EFCAB11: variants seen among roughly 807,000 people sequenced by gnomAD.
EFCAB11 encodes EF-hand calcium-binding domain-containing protein 11.
In EFCAB11, 14 loss-of-function variants were observed where a neutral mutation model predicts 23.0. The ratio of observed to expected loss-of-function variants is 0.61; its 90% CI spans 0.40 to 0.95. The LOEUF (loss-of-function observed/expected upper bound fraction) is 0.95. EFCAB11 is among the 40% of genes least tolerant of loss of function. The pLI is 0.00. For missense variants in EFCAB11, 198 were observed against 195.8 expected, an observed-to-expected ratio of 1.01 and a Z score of -0.07; for synonymous variants, 65 against 66.6, an observed-to-expected ratio of 0.98 and a Z score of 0.11.
At chr14:89,840,448 C>T (rs1344253846) in intron 5 of EFCAB11, among the ~76,000 whole-genome samples, 2 of 152,192 alleles carry the variant, frequency 1.3e-5, no homozygotes, top group African/African-American at 4.8e-5. Context: ...TTATCATTTC[C>T]TCTGATGCAG....
At chr14:89,910,472 C>CCT (rs1168674307) in intron 5 of EFCAB11, among the ~76,000 whole-genome samples, 4 of 152,080 alleles carry the variant, frequency 2.6e-5, no homozygotes, top group African/African-American at 9.7e-5. Context: ...ATGGCGGGCA[C>CCT]CTGTAATCCT....
At chr14:89,875,590 T>C (rs555529364) in intron 5 of EFCAB11, among the ~76,000 whole-genome samples, 89 of 152,172 alleles carry the variant, frequency 5.8e-4, no homozygotes, top group Non-Finnish European at 9.8e-4. Flanking sequence ...TATGGGTAAC[T>C]GGGTAAATGG....
chr14:89,801,278 C>T (rs760657025), intron 5 of EFCAB11, among the ~76,000 whole-genome samples: 48 of 152,186 alleles, frequency 3.2e-4, no homozygotes, highest in Admixed American at 6.5e-4. Context: ...AACCTCTCCC[C>T]TATCTTCACC....
At chr14:89,912,985 G>T (rs544335436) in intron 5 of EFCAB11, among the ~76,000 whole-genome samples, 1 of 152,340 alleles carries the variant, frequency 6.6e-6, no homozygotes, top group Admixed American at 6.5e-5. Flanking sequence ...TTATGGAAAA[G>T]AAGCACAAAA....
chr14:89,816,204 A>G (rs1341913220), intron 5 of EFCAB11, among the ~76,000 whole-genome samples: 1 of 152,176 alleles, frequency 6.6e-6, no homozygotes, highest in African/African-American at 2.4e-5. Flanking sequence ...GTTGGCATAT[A>G]TAAATGGTAC....
chr14:89,827,516 T>C (rs575172954), intron 5 of EFCAB11, among the ~76,000 whole-genome samples: 42 of 152,134 alleles, frequency 2.8e-4, no homozygotes, highest in Non-Finnish European at 2.9e-5. Flanking sequence ...CAGGCAGGTC[T>C]GGCCCCACCA....
At chr14:89,854,219 C>G (rs560499730) in intron 5 of EFCAB11, among the ~76,000 whole-genome samples, 1 of 130,890 alleles carries the variant, frequency 7.6e-6, no homozygotes, top group South Asian at 2.4e-4. Flanking sequence ...AATGACATCT[C>G]AAAGCAGATA....
intron 5 of EFCAB11, among the ~76,000 whole-genome samples, chr14:89,896,664 G>A (rs1889174413): frequency 6.6e-6 from 1 of 152,122 alleles, no homozygotes. Flanking sequence ...AAGACAAACT[G>A]TGGTAAATCC....
At chr14:89,801,697 T>A (rs750003283) in intron 5 of EFCAB11, among the ~76,000 whole-genome samples, 1 of 152,168 alleles carries the variant, frequency 6.6e-6, no homozygotes, top group Non-Finnish European at 1.5e-5. Flanking sequence ...ATTCATTGTA[T>A]TAAAAAGTGG....
At chr14:89,893,437 C>T (rs1436347951) in intron 5 of EFCAB11, among the ~76,000 whole-genome samples, 1 of 152,164 alleles carries the variant, frequency 6.6e-6, no homozygotes, top group African/African-American at 2.4e-5. Flanking sequence ...CAAGATCCCC[C>T]TTTCTGGCTG....
At position 89,945,912 on chromosome 14, in the gene EFCAB11, ATTT is replaced by A. The variant is rs34765514; in HGVS notation, c.217+4182_217+4184del. On this transcript the variant is annotated intron_variant, in intron 3 of 5. Coordinates refer to ENST00000316738, the MANE Select transcript of EFCAB11 (RefSeq NM_145231.4). ...TATTTTGAATTTCCATTATTAGGGGATTTTTTTTTTTTATTTTTTTTTTTGAGA... is the reference window on the plus strand; with the variant it reads ...TATTTTGAATTTCCATTATTAGGGGATTTTTTTTTATTTTTTTTTTTGAGA... Among the ~76,000 whole-genome samples, 8 of 135,730 alleles carry A rather than the reference ATTT, an allele frequency of 5.9e-5. No homozygotes were observed. In the East Asian group the frequency reaches 1.5e-3, roughly 26 times the overall value. The allele number at this position is 135,730 out of a possible 152,430, so 89.0% of individuals were successfully genotyped here. A position where few individuals can be genotyped will look rare whatever the true frequency, so the allele number is the denominator to read the frequency against.
At chr14:89,844,153 C>T (rs1248339122) in intron 5 of EFCAB11, among the ~76,000 whole-genome samples, 2 of 152,174 alleles carry the variant, frequency 1.3e-5, no homozygotes, top group African/African-American at 2.4e-5. Context: ...TTCCTGGAGA[C>T]AATCTTTTGT....
Position 89,932,563 on chromosome 14 carries a change from G to A in EFCAB11, c.282C>T (p.Asn94=), listed in dbSNP as rs8778. 236,085 of 1,612,188 alleles carry A rather than the reference G, an allele frequency of 0.15. 21,838 individuals are homozygous for A. Among genetic ancestry groups the A allele is most frequent in the Admixed American group, 0.34 (20,166 of 59,940 alleles). Residue 94 remains asparagine (N), a synonymous_variant, in exon 4 of 6, where the codon AAC becomes AAT. Coordinates refer to ENST00000316738, the MANE Select transcript of EFCAB11 (RefSeq NM_145231.4). ...RKKKEAQRYR[N]EVRHIFTAFD... is the part of the protein sequence containing the mutation. ...AGGCTGTGAAGATGTGTCTTACTTCGTTCCGATATCGTTGAGCTTCCTTCT... is the reference window on the plus strand; with the variant it reads ...AGGCTGTGAAGATGTGTCTTACTTCATTCCGATATCGTTGAGCTTCCTTCT...
chr14:89,911,616 A>T (rs957630024), intron 5 of EFCAB11, among the ~76,000 whole-genome samples: 1 of 152,230 alleles, frequency 6.6e-6, no homozygotes, highest in African/African-American at 2.4e-5. Context: ...CTTCTCAGCC[A>T]CCATCCTAGT....
chr14:89,836,456 G>A (rs1887081987), intron 5 of EFCAB11: 3 of 428,738 alleles, frequency 7.0e-6, no homozygotes, highest in East Asian at 1.4e-4. Context: ...GGTCTGCCCA[G>A]AGTGGTTGTT....
intron 5 of EFCAB11, among the ~76,000 whole-genome samples, chr14:89,911,394 G>A (rs1193208382): frequency 6.6e-6 from 1 of 152,176 alleles, no homozygotes; most frequent in Admixed American, 6.5e-5. Flanking sequence ...GGGGTGGAGA[G>A]GCAGTAGGTC....
At chr14:89,828,396 C>T (rs1185217961) in intron 5 of EFCAB11, among the ~76,000 whole-genome samples, 2 of 152,110 alleles carry the variant, frequency 1.3e-5, no homozygotes, top group East Asian at 3.9e-4. Context: ...ACAAGCTTCA[C>T]TGGACTTTTT....
intron 5 of EFCAB11, among the ~76,000 whole-genome samples, chr14:89,910,048 C>G (rs187105458): frequency 6.6e-5 from 10 of 152,346 alleles, no homozygotes; most frequent in African/African-American, 2.4e-4. Flanking sequence ...ACATCCTCAA[C>G]TAGACTCTAA....
rs747278801 is a variant in EFCAB11 at position 89,797,310 on chromosome 14, T to C, written c.425A>G (p.Asp142Gly). 6.2e-7 allele frequency: 1 copy of C among 1,613,154 alleles called. No homozygotes were observed. Among genetic ancestry groups the C allele is most frequent in the South Asian group, 1.1e-5 (1 of 91,054 alleles). ...VLEVFREVDR[D>G]SDGHVSFRDF... ...TCTAAAGCTGACGTGACCATCTGAATCTCGATCTACTTCCCTGGAAAATGA... is the reference window on the plus strand; with the variant it reads ...TCTAAAGCTGACGTGACCATCTGAACCTCGATCTACTTCCCTGGAAAATGA... Residue 142 changes from aspartate (D) to glycine (G), a missense_variant, in exon 6 of 6, where the codon GAT becomes GGT. Asp to Gly is a moderately conservative substitution (Grantham distance 94, BLOSUM62 -1). Transcript: ENST00000316738.
Sources: allele counts gnomAD v4.1 joint callset (sites outside exome capture counted in the v4.1 genomes callset), GRCh38; gene constraint gnomAD v4.1.1; transcripts MANE v1.5; gene names NCBI Gene and HGNC (gene_info 2026-07-23, HGNC 2026-07-21).